Variants in ABCA12 observed in about 807,000 individuals in gnomAD.
ABCA12 encodes the protein glucosylceramide transporter ABCA12.
ABCA12 carries 156 observed loss-of-function variants against 293.5 expected under a neutral mutation model. The ratio of observed to expected loss-of-function variants is 0.53; its 90% CI spans 0.47 to 0.61. The LOEUF (loss-of-function observed/expected upper bound fraction) is 0.61. Ranked by LOEUF, ABCA12 falls within the 20% of genes least tolerant of loss-of-function variation. The pLI is 0.00. For missense variants in ABCA12, 2,797 were observed against 3,090.2 expected, an observed-to-expected ratio of 0.91 and a Z score of 2.25; for synonymous variants, 1,063 against 1,108.0, an observed-to-expected ratio of 0.96 and a Z score of 0.81.
chr2:214,934,261 T>C (rs1698152278), intron 51 of ABCA12, 46 bp from the exon 52 acceptor site: 1 of 1,609,588 alleles, frequency 6.2e-7, no homozygotes, highest in Non-Finnish European at 8.5e-7. Context: ...TGTCTGGTAA[T>C]GTTGACATGA....
intron 4 of ABCA12, among the ~76,000 whole-genome samples, chr2:215,053,213 A>G (rs974086748): frequency 4.6e-5 from 7 of 152,070 alleles, no homozygotes; most frequent in Admixed American, 3.9e-4. Context: ...CTGGGTTTGG[A>G]GCATTAGCTA....
At chr2:214,991,113 T>A in intron 23 of ABCA12, 82 bp from the exon 24 acceptor site, 5 of 1,218,528 alleles carry the variant, frequency 4.1e-6, no homozygotes, top group African/African-American at 1.5e-5. Context: ...TGTCAAAATG[T>A]CATGATAGTC....
intron 44 of ABCA12, 127 bp from the exon 45 acceptor site, chr2:214,951,210 T>C (rs1038914517): frequency 2.4e-5 from 20 of 831,304 alleles, no homozygotes; most frequent in Admixed American, 5.8e-5. Context: ...TTTACATTTG[T>C]AATGAATTAT....
Position 215,045,835 on chromosome 2 carries a change from A to T in ABCA12, c.872+2T>A. 6.2e-7 allele frequency: 1 copy of T among 1,612,348 alleles called. No homozygotes were observed. The highest frequency in any genetic ancestry group is 8.5e-7 in the Non-Finnish European group (1 of 1,178,892). On this transcript the variant is annotated splice_donor_variant, in intron 7 of 52. Transcript: ENST00000272895. LOFTEE classifies it high-confidence loss of function. Reference sequence around the variant, plus strand: ...TTACATTTAATTCTTACATTTTCTTACCTGTTTGCCTTTCGAAGAACATCA... The same window carrying T: ...TTACATTTAATTCTTACATTTTCTTTCCTGTTTGCCTTTCGAAGAACATCA...
chr2:214,976,716 A>G (rs1699525514), intron 33 of ABCA12, among the ~76,000 whole-genome samples: 1 of 152,186 alleles, frequency 6.6e-6, no homozygotes, highest in East Asian at 1.9e-4. Flanking sequence ...AAAAGAACTC[A>G]TTAGAAAAAA....
chr2:215,086,297 T>C (rs1374212703), intron 2 of ABCA12, among the ~76,000 whole-genome samples: 1 of 152,258 alleles, frequency 6.6e-6, no homozygotes, highest in Admixed American at 6.5e-5. Flanking sequence ...AGGCTGTTAG[T>C]TAACTTTTGA....
intron 1 of ABCA12, among the ~76,000 whole-genome samples, chr2:215,127,398 T>G (rs879852963): frequency 1.3e-5 from 2 of 152,162 alleles, no homozygotes. Context: ...AGTACTGAAG[T>G]CCCCCACTAT....
intron 5 of ABCA12, among the ~76,000 whole-genome samples, chr2:215,051,609 A>AGTGTGTGTGTGTGTGT (rs3050094): frequency 0.04 from 4,797 of 121,246 alleles, 191 homozygotes; most frequent in Non-Finnish European, 0.047. Flanking sequence ...TAAAAACGCT[A>AGTGTGTGTGTGTGTGT]GTGTGTGTGT....
Position 215,138,285 on chromosome 2 carries a change from T to A in ABCA12, c.-77A>T. On this transcript the variant is annotated 5_prime_UTR_variant, in exon 1 of 53. The change creates a new upstream start codon in the 5' untranslated region. Transcript: ENST00000272895. Reference sequence around the variant, plus strand: ...ATGAAGAACTGATGCCCCGTCCAACTTGCTGTATGTCAGTGTATCAGTACC... The same window carrying A: ...ATGAAGAACTGATGCCCCGTCCAACATGCTGTATGTCAGTGTATCAGTACC... The A allele has an allele frequency of 1.3e-6, 2 of 1,483,576 alleles. No homozygotes were observed. The highest frequency in any genetic ancestry group is 9.4e-7 in the Non-Finnish European group (1 of 1,061,408). The allele number at this position is 1,483,576 out of a possible 1,614,324, so 91.9% of individuals were successfully genotyped here.
chr2:215,049,671 GGT>G lies in ABCA12; in HGVS notation c.646_647del (p.Thr216ProfsTer19). On this transcript the variant is annotated frameshift_variant, in exon 6 of 53. Coordinates refer to ENST00000272895, the MANE Select transcript of ABCA12 (RefSeq NM_173076.3). LOFTEE classifies it high-confidence loss of function. ...GTTCTTGGAGAGAAGACTCTAAAAG[GGT>G]CATGTTAGAAAGGCAAAATTTGTTA... ...VFNKFCLSNM[T>X]LLESSLQELN... 6.2e-7 allele frequency: 1 copy of G among 1,613,492 alleles called. No individual in the cohort carries two copies. The highest frequency in any genetic ancestry group is 8.5e-7 in the Non-Finnish European group (1 of 1,179,674).
intron 1 of ABCA12, among the ~76,000 whole-genome samples, chr2:215,112,485 TG>T (rs1314357796): frequency 1.0e-4 from 11 of 105,382 alleles, no homozygotes; most frequent in South Asian, 2.9e-4. Context: ...GGGTTTTTTT[TG>T]TTTTTTTTTT....
At chr2:214,949,373 T>TACAC (rs1243088387) in intron 45 of ABCA12, among the ~76,000 whole-genome samples, 45 of 145,684 alleles carry the variant, frequency 3.1e-4, no homozygotes, top group African/African-American at 9.8e-4. Flanking sequence ...TATATATATA[T>TACAC]ATATACACAC....
intron 19 of ABCA12, among the ~76,000 whole-genome samples, chr2:215,005,625 C>G (rs1021091288): frequency 8.5e-5 from 13 of 152,166 alleles, no homozygotes; most frequent in African/African-American, 3.1e-4. Flanking sequence ...CAGAGCATCA[C>G]TAACAAATAA....
chr2:214,950,873 T>C lies in ABCA12; in HGVS notation c.6852+6A>G, dbSNP rs751664718. The C allele has an allele frequency of 6.2e-7, 1 of 1,613,568 alleles. No homozygotes were observed. The highest frequency in any genetic ancestry group is 1.7e-5 in the Admixed American group (1 of 60,010). On this transcript the variant is annotated splice_donor_region_variant and intron_variant, in intron 45 of 52. Transcript: ENST00000272895. ...GGACAGTTAGAAACAAAACACAGTT[T>C]CTTACCTCTCCAGCAGGTATCCCAA...
At chr2:215,084,687 G>A (rs149651549) in intron 2 of ABCA12, among the ~76,000 whole-genome samples, 28 of 152,266 alleles carry the variant, frequency 1.8e-4, no homozygotes, top group East Asian at 1.5e-3. Flanking sequence ...TAGGAACCAC[G>A]TAATGGTTAC....
intron 14 of ABCA12, chr2:215,017,640 CTTT>C (rs1220749816): frequency 8.9e-4 from 139 of 156,286 alleles, no homozygotes; most frequent in Middle Eastern, 3.1e-3. Flanking sequence ...GAATATAATT[CTTT>C]TTTTTTTTTT....
chr2:215,090,022 C>T (rs1370481207), intron 2 of ABCA12, among the ~76,000 whole-genome samples: 1 of 152,140 alleles, frequency 6.6e-6, no homozygotes, highest in Non-Finnish European at 1.5e-5. Flanking sequence ...GTGAAAATGG[C>T]CGGTTCCTGC....
Position 215,010,442 on chromosome 2 carries a change from G to C in ABCA12, c.2361C>G (p.Asp787Glu). Reference protein sequence around the residue: ...STPFCFSLYKDIINMPAGPVI... With the variant: ...STPFCFSLYKEIINMPAGPVI... ...CAGGTCCAGCGGGCATGTTAATGAT[G>C]TCTTTATAAAGGGAGAAGCAAAATG... Residue 787 changes from aspartate to glutamate, a missense_variant, in exon 18 of 53, where the codon GAC becomes GAG. Around this residue, in one of 3 missense-constraint regions of ABCA12, gnomAD observed 2,130 missense variants for 2,427.0 expected, o/e 0.88. Transcript: ENST00000272895. The C allele has an allele frequency of 6.2e-7, 1 of 1,613,726 alleles. No homozygotes were observed. The highest frequency in any genetic ancestry group is 8.5e-7 in the Non-Finnish European group (1 of 1,179,722).
intron 3 of ABCA12, among the ~76,000 whole-genome samples, chr2:215,056,470 A>G (rs1369358414): frequency 6.6e-6 from 1 of 152,064 alleles, no homozygotes; most frequent in Non-Finnish European, 1.5e-5. Flanking sequence ...TCTCACCAGG[A>G]AGTGCCCAGT....
Sources: allele counts gnomAD v4.1 joint callset (sites outside exome capture counted in the v4.1 genomes callset), GRCh38; gene constraint gnomAD v4.1.1; regional missense constraint gnomAD v4.1.1; transcripts MANE v1.5; gene names NCBI Gene and HGNC (gene_info 2026-07-23, HGNC 2026-07-21).